NREP: variants seen among roughly 807,000 people sequenced by gnomAD.
NREP encodes neuronal regeneration related protein.
NREP carries 5 observed loss-of-function variants against 8.6 expected under a neutral mutation model. The ratio of observed to expected loss-of-function variants is 0.58; its 90% confidence interval spans 0.30 to 1.22. The LOEUF is 1.22. Among genes scored for constraint, NREP ranks in the 50% most tolerant of loss-of-function variants. The pLI is 0.07. For synonymous variants in NREP, 27 were observed against 28.0 expected (o/e 0.96, Z 0.11); for missense variants, 86 against 82.5 (o/e 1.04, Z -0.17).
intron 2 of NREP, among the ~76,000 whole-genome samples, chr5:111,893,965 C>T (rs1197660490): frequency 1.3e-5 from 2 of 152,026 alleles, no homozygotes; most frequent in Non-Finnish European, 1.5e-5. Flanking sequence ...CGCCTGTAAT[C>T]CCAGCACCTT....
downstream of NREP, chr5:111,729,195 C>T (rs1303963884): frequency 6.6e-6 from 1 of 152,106 alleles, no homozygotes; most frequent in Non-Finnish European, 1.5e-5. Flanking sequence ...GATATTTGCC[C>T]TTGGGTTTGC....
chr5:111,807,630 G>A (rs989837798), intron 2 of NREP, among the ~76,000 whole-genome samples: 1 of 152,068 alleles, frequency 6.6e-6, no homozygotes, highest in Non-Finnish European at 1.5e-5. Flanking sequence ...GTGAAAGGTA[G>A]TTGCTTGCTT....
chr5:111,773,561 C>G (rs1217257906), intron 2 of NREP, among the ~76,000 whole-genome samples: 1 of 152,106 alleles, frequency 6.6e-6, no homozygotes, highest in Non-Finnish European at 1.5e-5. Flanking sequence ...GATTGGAAAT[C>G]TGTTGTTTTC....
upstream of NREP, among the ~76,000 whole-genome samples, chr5:111,761,889 C>T (rs75533246): frequency 0.043 from 6,558 of 152,226 alleles, 159 homozygotes; most frequent in African/African-American, 0.063. Context: ...AATGTGAATG[C>T]TATTCTTAAA....
intron 2 of NREP, among the ~76,000 whole-genome samples, chr5:111,880,157 A>C (rs1754014901): frequency 6.6e-6 from 1 of 152,178 alleles, no homozygotes; most frequent in Non-Finnish European, 1.5e-5. Context: ...GTGAGACACT[A>C]GGCAGATTTT....
At chr5:111,859,116 C>T (rs1409498784) in intron 2 of NREP, among the ~76,000 whole-genome samples, 2 of 152,112 alleles carry the variant, frequency 1.3e-5, no homozygotes, top group Non-Finnish European at 2.9e-5. Context: ...ATTGTTGAGA[C>T]TGAAGAAGAT....
chr5:111,871,920 AGT>A, intron 2 of NREP, among the ~76,000 whole-genome samples: 1 of 149,340 alleles, frequency 6.7e-6, no homozygotes, highest in Non-Finnish European at 1.5e-5. Flanking sequence ...ATGACGTTTC[AGT>A]GTGTGTATAT....
rs142132891 is a variant in NREP, at chr5:111,740,360, C to T, written c.4-4853G>A. Among the ~76,000 whole-genome samples, 271 of 152,084 alleles carry T rather than the reference C, an allele frequency of 1.8e-3. 1 individual carries two copies. The highest frequency in any genetic ancestry group is 9.4e-4 in the Non-Finnish European group (64 of 67,988). ...TACTTATAGTGAAAATGTGCTATTT[C>T]GTACTGATTCTCTTGAATGTATTGA... is the stretch of plus-strand genomic sequence containing the variant. On this transcript the variant is annotated intron_variant, in intron 2 of 3. Coordinates refer to ENST00000257435, the MANE Select transcript of NREP (RefSeq NM_004772.4).
chr5:111,794,683 A>C (rs1223348459), intron 2 of NREP, among the ~76,000 whole-genome samples: 1 of 152,190 alleles, frequency 6.6e-6, no homozygotes, highest in Non-Finnish European at 1.5e-5. Flanking sequence ...AAGAGGTGAG[A>C]GGGATGAATA....
intron 2 of NREP, among the ~76,000 whole-genome samples, chr5:111,900,276 G>A (rs1452760216): frequency 6.6e-6 from 1 of 151,882 alleles, no homozygotes; most frequent in African/African-American, 2.4e-5. Flanking sequence ...ATGGGGTACA[G>A]CAAAAGCAGT....
intron 2 of NREP, among the ~76,000 whole-genome samples, chr5:111,843,247 T>C (rs1753076493): frequency 6.6e-6 from 1 of 151,980 alleles, no homozygotes; most frequent in Non-Finnish European, 1.5e-5. Flanking sequence ...TTTTTTGTTC[T>C]TTTTGTTCCT....
chr5:111,878,893 CTCAT>C (rs527798887), intron 2 of NREP, among the ~76,000 whole-genome samples: 436 of 152,296 alleles, frequency 2.9e-3, no homozygotes, highest in Non-Finnish European at 4.4e-3. Flanking sequence ...GTTGTAATTA[CTCAT>C]TCAGCGAATA....
chr5:111,951,399 T>C (rs1756156378), intron 2 of NREP, among the ~76,000 whole-genome samples: 1 of 152,216 alleles, frequency 6.6e-6, no homozygotes, highest in South Asian at 2.1e-4. Context: ...ACAATGCCTG[T>C]AGCCTAAATA....
upstream of NREP, among the ~76,000 whole-genome samples, chr5:111,759,714 T>A (rs1348411652): frequency 6.6e-6 from 1 of 152,222 alleles, no homozygotes; most frequent in Admixed American, 6.5e-5. Context: ...TGAAGGGGGC[T>A]GTGCTAATCA....
intron 2 of NREP, among the ~76,000 whole-genome samples, chr5:111,827,293 C>G (rs1199975317): frequency 6.6e-6 from 1 of 152,164 alleles, no homozygotes; most frequent in African/African-American, 2.4e-5. Flanking sequence ...TTGCTTCCTA[C>G]CTATACTTGT....
At chr5:111,891,553 T>C (rs1754394579) in intron 2 of NREP, among the ~76,000 whole-genome samples, 1 of 152,210 alleles carries the variant, frequency 6.6e-6, no homozygotes, top group Non-Finnish European at 1.5e-5. Context: ...TAGGACATTC[T>C]TGCACTGCTA....
intron 2 of NREP, among the ~76,000 whole-genome samples, chr5:111,942,702 C>A (rs1341717887): frequency 2.0e-5 from 3 of 151,888 alleles, no homozygotes; most frequent in African/African-American, 7.3e-5. Flanking sequence ...GTTTTATACT[C>A]CAGATTTGGT....
At chr5:111,948,758 T>C (rs1487294725) in intron 2 of NREP, 2 of 152,050 alleles carry the variant, frequency 1.3e-5, no homozygotes, top group Non-Finnish European at 2.9e-5. Context: ...CAGCTGTGTC[T>C]GACTCATATC....
intron 2 of NREP, among the ~76,000 whole-genome samples, chr5:111,972,724 C>G (rs578058939): frequency 2.0e-5 from 3 of 152,186 alleles, no homozygotes; most frequent in South Asian, 2.1e-4. Flanking sequence ...CAATCTAGAC[C>G]CGAGTCTTGA....
Sources: allele counts gnomAD v4.1 joint callset (sites outside exome capture counted in the v4.1 genomes callset), GRCh38; gene constraint gnomAD v4.1.1; transcripts MANE v1.5; gene names NCBI Gene and HGNC (gene_info 2026-07-23, HGNC 2026-07-21).